The following SBF2 variants were observed in gnomAD, a reference collection of about 807,000 sequenced individuals.
SBF2 encodes SET binding factor 2.
In SBF2, 112 loss-of-function variants were observed where a neutral mutation model predicts 225.2. The observed-to-expected ratio is 0.50, with a 90% confidence interval of 0.43 to 0.58. The LOEUF is 0.58. SBF2 is among the 20% of genes least tolerant of loss of function. The pLI is 0.00. For synonymous variants in SBF2, 763 were observed against 773.3 expected (o/e 0.99, Z 0.22); for missense variants, 1,996 against 2,206.2 (o/e 0.90, Z 1.91).
rs571670424 is a variant in SBF2 at position 10,042,789 on chromosome 11, AC to A, written c.279+54del. 1.1e-5 allele frequency: 17 copies of A among 1,590,830 alleles called. No homozygotes were observed. The East Asian group carries it at 2.2e-4, about 21-fold the overall frequency. ...GTAACAAAAATATGGCATATAAAAAACATTCCTAAATGTTGTACCTTCGACT... is the reference window on the plus strand; with the variant it reads ...GTAACAAAAATATGGCATATAAAAAAATTCCTAAATGTTGTACCTTCGACT... On this transcript the variant is annotated intron_variant, in intron 3 of 39. Transcript: ENST00000256190.
At chr11:10,266,339 G>T (rs1006680354) in intron 1 of SBF2, among the ~76,000 whole-genome samples, 1 of 152,076 alleles carries the variant, frequency 6.6e-6, no homozygotes, top group Non-Finnish European at 1.5e-5. Context: ...AAGACCTCTC[G>T]GCCAAGGACA....
intron 1 of SBF2, among the ~76,000 whole-genome samples, chr11:10,227,401 C>T (rs1310300523): frequency 4.6e-5 from 7 of 152,142 alleles, no homozygotes; most frequent in Non-Finnish European, 7.4e-5. Context: ...TTGCCCATGC[C>T]TATGTCCTGA....
At chr11:9,958,971 T>C (rs1866381069) in intron 16 of SBF2, 1 of 760,904 alleles carries the variant, frequency 1.3e-6, no homozygotes, top group South Asian at 1.6e-5. Flanking sequence ...GGTACTGCTG[T>C]TGCTTGCTTA....
intron 2 of SBF2, among the ~76,000 whole-genome samples, chr11:10,081,927 G>C (rs1951383945): frequency 6.6e-6 from 1 of 151,430 alleles, no homozygotes. Context: ...AAAACATAAA[G>C]GATCAACAAA....
At chr11:10,242,012 C>T (rs892077525) in intron 1 of SBF2, among the ~76,000 whole-genome samples, 8 of 150,984 alleles carry the variant, frequency 5.3e-5, no homozygotes, top group African/African-American at 2.0e-4. Context: ...GCCCACAGAC[C>T]CTAGGACCTA....
chr11:10,069,907 C>T (rs1337213964), intron 2 of SBF2, among the ~76,000 whole-genome samples: 26 of 149,312 alleles, frequency 1.7e-4, no homozygotes, highest in Admixed American at 3.3e-4. Flanking sequence ...TCTCTGATGA[C>T]CAATGATGAT....
intron 6 of SBF2, among the ~76,000 whole-genome samples, chr11:10,020,509 C>T (rs1948810791): frequency 6.6e-6 from 1 of 152,050 alleles, no homozygotes; most frequent in South Asian, 2.1e-4. Flanking sequence ...AAGTTGCCCG[C>T]TTGGCCCAAT....
intron 2 of SBF2, among the ~76,000 whole-genome samples, chr11:10,153,489 C>A (rs1355052060): frequency 6.6e-6 from 1 of 151,924 alleles, no homozygotes; most frequent in African/African-American, 2.4e-5. Flanking sequence ...TAAAATAAAA[C>A]ACAATTTAAT....
At chr11:10,267,002 G>A (rs1328166672) in intron 1 of SBF2, among the ~76,000 whole-genome samples, 1 of 152,218 alleles carries the variant, frequency 6.6e-6, no homozygotes, top group Non-Finnish European at 1.5e-5. Flanking sequence ...GCTGAGGCAG[G>A]AGAATCGCTT....
chr11:10,133,141 T>C (rs965367063), intron 2 of SBF2, among the ~76,000 whole-genome samples: 4 of 149,192 alleles, frequency 2.7e-5, no homozygotes, highest in Admixed American at 2.0e-4. Context: ...CTCACAAACC[T>C]TGAGCTAAAC....
chr11:9,961,933 T>A (rs1866596680), intron 16 of SBF2, 24 bp downstream of exon 16: 3 of 1,601,944 alleles, frequency 1.9e-6, no homozygotes, highest in Non-Finnish European at 2.6e-6. Context: ...ATAAGAGGAA[T>A]AATCTGAAAG....
At chr11:9,835,630 T>TAAAAAAAAAAAAAA (rs1590185771) in intron 26 of SBF2, among the ~76,000 whole-genome samples, 2 of 3,982 alleles carry the variant, frequency 5.0e-4, no homozygotes, top group Non-Finnish European at 1.6e-3. Flanking sequence ...AGACCTTGTC[T>TAAAAAAAAAAAAAA]CAAAAAAAAA....
intron 2 of SBF2, among the ~76,000 whole-genome samples, chr11:10,192,079 T>A (rs11042655): frequency 0.1 from 15,889 of 152,114 alleles, 1,103 homozygotes; most frequent in Middle Eastern, 0.17. Flanking sequence ...CACCAAAAAT[T>A]TCCCCTCAAT....
At chr11:9,985,398 C>T (rs1405612685) in intron 13 of SBF2, among the ~76,000 whole-genome samples, 1 of 152,162 alleles carries the variant, frequency 6.6e-6, no homozygotes, top group South Asian at 2.1e-4. Context: ...TCTTGGCTTA[C>T]TGCAACCTCT....
intron 13 of SBF2, among the ~76,000 whole-genome samples, chr11:9,978,783 C>G (rs918801471): frequency 6.6e-6 from 1 of 152,074 alleles, no homozygotes; most frequent in African/African-American, 2.4e-5. Flanking sequence ...ATCCCTTGAG[C>G]CCAGGAGTTC....
intron 1 of SBF2, among the ~76,000 whole-genome samples, chr11:10,249,289 A>T (rs1477070966): frequency 6.6e-6 from 1 of 152,202 alleles, no homozygotes; most frequent in East Asian, 1.9e-4. Flanking sequence ...CCTTATGGTC[A>T]AACTGATTAA....
chr11:10,241,567 C>T (rs893020782), intron 1 of SBF2, among the ~76,000 whole-genome samples: 4 of 151,704 alleles, frequency 2.6e-5, no homozygotes, highest in African/African-American at 9.7e-5. Context: ...CAAAAAAAGG[C>T]GGCAATAATA....
Position 10,280,773 on chromosome 11 carries a change from A to G in SBF2, c.55+13242T>C, listed in dbSNP as rs114663066. ...TGTACTGCAGTATGGGCATGAGAAA[A>G]CTTCTATTACAAGATTTGCCACTCA... On this transcript the variant is annotated intron_variant, in intron 1 of 39. Transcript: ENST00000256190. 4.3e-3 allele frequency among the ~76,000 whole-genome samples: 632 copies of G among 148,158 alleles called. 5 individuals are homozygous for G. Among genetic ancestry groups the G allele is most frequent in the African/African-American group, 0.015 (603 of 39,860 alleles).
intron 20 of SBF2, 139 bp downstream of exon 20, chr11:9,853,401 T>A (rs1370346483): frequency 2.6e-6 from 2 of 766,304 alleles, no homozygotes; most frequent in Non-Finnish European, 4.3e-6. Context: ...TACAACAATT[T>A]AAAAACATTT....
Sources: allele counts gnomAD v4.1 joint callset (sites outside exome capture counted in the v4.1 genomes callset), GRCh38; gene constraint gnomAD v4.1.1; transcripts MANE v1.5; gene names NCBI Gene and HGNC (gene_info 2026-07-23, HGNC 2026-07-21).